KHDRBS2: variants seen among roughly 807,000 people sequenced by gnomAD.
KHDRBS2 encodes the protein KH RNA binding domain containing, signal transduction associated 2, also known as KH domain-containing, RNA-binding, signal transduction-associated protein 2.
In KHDRBS2, 26 loss-of-function variants were observed where a neutral mutation model predicts 44.3. The observed-to-expected ratio is 0.59, with a 90% CI of 0.43 to 0.81. The LOEUF (loss-of-function observed/expected upper bound fraction) is 0.81. Ranked by LOEUF, KHDRBS2 falls within the 40% of genes least tolerant of loss-of-function variation. The pLI is 0.00. For missense variants in KHDRBS2, 476 were observed against 433.1 expected, an observed-to-expected ratio of 1.10 and a Z score of -0.88; for synonymous variants, 194 against 151.1, an observed-to-expected ratio of 1.28 and a Z score of -2.08.
At chr6:61,773,140 C>A (rs1278123526) in intron 6 of KHDRBS2, among the ~76,000 whole-genome samples, 3 of 151,752 alleles carry the variant, frequency 2.0e-5, no homozygotes, top group Non-Finnish European at 2.9e-5. Flanking sequence ...ATTTATAGTC[C>A]TTTGGGTATA....
At chr6:61,705,100 T>G (rs905884250) in intron 7 of KHDRBS2, among the ~76,000 whole-genome samples, 27 of 151,864 alleles carry the variant, frequency 1.8e-4, no homozygotes, top group African/African-American at 6.5e-4. Flanking sequence ...AATCTGATAT[T>G]TTGGAGGCCC....
the KHDRBS2 span, among the ~76,000 whole-genome samples, chr6:61,576,618 A>C: frequency 6.6e-6 from 1 of 152,150 alleles, no homozygotes; most frequent in Non-Finnish European, 1.5e-5. Flanking sequence ...TAATTAACAC[A>C]TTTATTCAAA....
At chr6:62,063,863 T>C (rs1175379665) in intron 2 of KHDRBS2, among the ~76,000 whole-genome samples, 2 of 135,750 alleles carry the variant, frequency 1.5e-5, no homozygotes, top group East Asian at 2.2e-4. Context: ...GATGACATGA[T>C]TGTATATCTA....
rs745471094 is a variant in KHDRBS2 at position 61,894,773 on chromosome 6, C to A, written c.672G>T (p.Arg224=). 2.5e-6 allele frequency: 4 copies of A among 1,613,264 alleles called. No homozygotes were observed. The highest frequency in any genetic ancestry group is 3.4e-6 in the Non-Finnish European group (4 of 1,179,740). The change falls in exon 6 of 9, where the codon CGG becomes CGT. Residue 224 remains arginine (R), a synonymous_variant. Transcript: ENST00000281156. ...PPPGRGVLTP[R]GSTVTRGALP... is the part of the protein sequence containing the mutation. Reference sequence around the variant, plus strand: ...GCGCTCCACGGGTTACAGTGCTTCCCCGAGGGGTGAGAACACCTCGTCCAG... The same window carrying A: ...GCGCTCCACGGGTTACAGTGCTTCCACGAGGGGTGAGAACACCTCGTCCAG...
intron 4 of KHDRBS2, among the ~76,000 whole-genome samples, chr6:61,969,780 G>T (rs1158582669): frequency 2.6e-5 from 4 of 151,724 alleles, no homozygotes; most frequent in Non-Finnish European, 4.4e-5. Context: ...AGTGAAATTG[G>T]GTGAAATTAT....
intron 3 of KHDRBS2, among the ~76,000 whole-genome samples, chr6:62,022,031 T>TAC (rs1491248646): frequency 1.6e-5 from 2 of 126,022 alleles, no homozygotes; most frequent in Non-Finnish European, 3.3e-5. Context: ...ACACAAACAC[T>TAC]ATATATATAT....
At chr6:62,063,618 T>C (rs1369935203) in intron 2 of KHDRBS2, among the ~76,000 whole-genome samples, 39 of 151,264 alleles carry the variant, frequency 2.6e-4, no homozygotes, top group African/African-American at 9.0e-4. Flanking sequence ...TAGGTATTGA[T>C]GGGATGTATT....
intron 6 of KHDRBS2, among the ~76,000 whole-genome samples, chr6:61,760,241 G>T (rs559354559): frequency 2.6e-5 from 4 of 152,140 alleles, no homozygotes; most frequent in African/African-American, 4.8e-5. Context: ...CATAGAGAAG[G>T]TCTGCAAACA....
At chr6:61,981,966 A>C (rs2127405430) in intron 3 of KHDRBS2, among the ~76,000 whole-genome samples, 1 of 152,260 alleles carries the variant, frequency 6.6e-6, no homozygotes, top group East Asian at 1.9e-4. Context: ...CTATGATTTA[A>C]ATTCCATAAA....
the KHDRBS2 span, among the ~76,000 whole-genome samples, chr6:61,625,197 A>AT: frequency 6.6e-6 from 1 of 151,884 alleles, no homozygotes; most frequent in Non-Finnish European, 1.5e-5. Context: ...CTGACCTATC[A>AT]GGAATGAGTA....
At chr6:61,841,060 A>T (rs191757488) in intron 6 of KHDRBS2, among the ~76,000 whole-genome samples, 130 of 152,272 alleles carry the variant, frequency 8.5e-4, no homozygotes, top group African/African-American at 3.1e-3. Flanking sequence ...AAGTTTTATA[A>T]TCAAGGCATT....
chr6:61,972,753 G>A (rs1192440), intron 4 of KHDRBS2, among the ~76,000 whole-genome samples: 93,546 of 152,038 alleles, frequency 0.62, 28,864 homozygotes, highest in South Asian at 0.71. Flanking sequence ...AAATGTATCT[G>A]CCATCTCTCA....
At chr6:61,548,771 G>T in the KHDRBS2 span, among the ~76,000 whole-genome samples, 1 of 151,910 alleles carries the variant, frequency 6.6e-6, no homozygotes, top group Admixed American at 6.6e-5. Context: ...GATAAGTTCT[G>T]GTTGAAAATA....
At chr6:61,782,551 T>A (rs1262640003) in intron 6 of KHDRBS2, among the ~76,000 whole-genome samples, 1 of 151,596 alleles carries the variant, frequency 6.6e-6, no homozygotes, top group Non-Finnish European at 1.5e-5. Flanking sequence ...TTCAAAAGAT[T>A]TTTATAGATT....
At chr6:62,207,486 T>G (rs147988308) in intron 1 of KHDRBS2, among the ~76,000 whole-genome samples, 1 of 152,184 alleles carries the variant, frequency 6.6e-6, no homozygotes, top group Non-Finnish European at 1.5e-5. Flanking sequence ...TGAAGGTGAG[T>G]ATGTAAAACC....
chr6:62,211,864 C>T (rs1263350074), intron 1 of KHDRBS2, among the ~76,000 whole-genome samples: 2 of 152,072 alleles, frequency 1.3e-5, no homozygotes, highest in Non-Finnish European at 2.9e-5. Flanking sequence ...CACGTATGTT[C>T]ATCACAACAC....
intron 2 of KHDRBS2, among the ~76,000 whole-genome samples, chr6:62,100,569 T>C (rs564470525): frequency 1.3e-5 from 2 of 152,180 alleles, no homozygotes; most frequent in Non-Finnish European, 2.9e-5. Flanking sequence ...CCACAACCAC[T>C]CTAACCTTCA....
intron 6 of KHDRBS2, among the ~76,000 whole-genome samples, chr6:61,885,931 C>A (rs1450161811): frequency 6.6e-6 from 1 of 152,060 alleles, no homozygotes; most frequent in Non-Finnish European, 1.5e-5. Context: ...TTGAGTGAGG[C>A]CTGCTTGCTT....
intron 4 of KHDRBS2, among the ~76,000 whole-genome samples, chr6:61,942,173 T>C (rs947663903): frequency 3.3e-5 from 5 of 152,132 alleles, no homozygotes; most frequent in African/African-American, 1.2e-4. Flanking sequence ...TGCCCAGACA[T>C]GTCTTGAACT....
Sources: gnomAD v4.1 joint callset for allele counts (sites outside exome capture counted in the v4.1 genomes callset) on GRCh38, gnomAD v4.1.1 for gene constraint, MANE v1.5 for transcripts, NCBI Gene and HGNC (gene_info 2026-07-23, HGNC 2026-07-21) for gene names.